SFMBT1: variants seen among roughly 807,000 people sequenced by gnomAD.
SFMBT1 encodes the protein scm-like with four MBT domains protein 1.
A neutral mutation model predicts 108.7 loss-of-function variants in SFMBT1; 32 were observed. That is an observed-to-expected ratio of 0.29 (90% CI 0.22 to 0.40). SFMBT1 has a LOEUF of 0.40. SFMBT1 is among the 10% of genes least tolerant of loss of function. The pLI, the probability that SFMBT1 is intolerant of heterozygous loss-of-function variation, is 1.00. For synonymous variants in SFMBT1, 348 were observed against 369.5 expected, an observed-to-expected ratio of 0.94 and a Z score of 0.67; for missense variants, 816 against 1,059.6, an observed-to-expected ratio of 0.77 and a Z score of 3.19.
chr3:53,020,157 G>A (rs1559552167), intron 1 of SFMBT1, among the ~76,000 whole-genome samples: 1 of 152,016 alleles, frequency 6.6e-6, no homozygotes, highest in Non-Finnish European at 1.5e-5. Flanking sequence ...GGGAGGCCGA[G>A]GCAGGCGGAT....
intron 1 of SFMBT1, among the ~76,000 whole-genome samples, chr3:53,041,960 G>C (rs1284051015): frequency 6.6e-6 from 1 of 152,074 alleles, no homozygotes; most frequent in Non-Finnish European, 1.5e-5. Flanking sequence ...TAAGGAAGTT[G>C]TATCATTTAC....
intron 1 of SFMBT1, among the ~76,000 whole-genome samples, chr3:52,974,646 A>G (rs1329628175): frequency 1.3e-5 from 2 of 152,082 alleles, no homozygotes; most frequent in Non-Finnish European, 2.9e-5. Context: ...TGATAAAGTC[A>G]AGGTTTTAGT....
intron 1 of SFMBT1, among the ~76,000 whole-genome samples, chr3:52,977,421 G>C (rs990815389): frequency 1.3e-5 from 2 of 152,116 alleles, no homozygotes; most frequent in African/African-American, 4.8e-5. Context: ...TGAGGCAGAA[G>C]AATCGCTTGA....
chr3:53,040,926 TC>T (rs1223792494), intron 1 of SFMBT1, among the ~76,000 whole-genome samples: 6 of 142,642 alleles, frequency 4.2e-5, no homozygotes, highest in Admixed American at 1.4e-4. Flanking sequence ...TGCCTCAGCC[TC>T]CCGAGTAGCT....
At position 53,021,062 on chromosome 3, in the gene SFMBT1, A is replaced by C. The variant is rs1699289722; in HGVS notation, c.-131+24754T>G. 3.3e-5 allele frequency among the ~76,000 whole-genome samples: 5 copies of C among 152,258 alleles called. No homozygotes were observed. In the South Asian group the frequency reaches 1.0e-3, roughly 31 times the overall value. On this transcript the variant is annotated intron_variant, in intron 1 of 20. Transcript: ENST00000394752. The stretch of plus-strand genomic sequence containing the variant: ...AACAAGAGTGAGACTCCGTCTCAAA[A>C]AAAGAAAAAAGAAAGTAGAGGTCCC...
At chr3:53,015,961 T>C (rs1352109035) in intron 1 of SFMBT1, among the ~76,000 whole-genome samples, 1 of 152,164 alleles carries the variant, frequency 6.6e-6, no homozygotes, top group Admixed American at 6.5e-5. Flanking sequence ...CTTACAATTG[T>C]TTGCTTCTCA....
intron 4 of SFMBT1, among the ~76,000 whole-genome samples, chr3:52,938,055 T>G (rs1703070444): frequency 6.6e-6 from 1 of 152,202 alleles, no homozygotes; most frequent in South Asian, 2.1e-4. Flanking sequence ...TTTATTGCTG[T>G]CTATAGCTGC....
intron 1 of SFMBT1, among the ~76,000 whole-genome samples, chr3:53,039,812 CTT>C (rs996371974): frequency 6.6e-6 from 1 of 151,370 alleles, no homozygotes; most frequent in Non-Finnish European, 1.5e-5. Context: ...TTTTGGTATA[CTT>C]TTTTTTTATT....
At position 52,913,406 on chromosome 3, in the gene SFMBT1, C is replaced by T. The variant is rs1312860204; in HGVS notation, c.1620+72G>A. ...GAACTGTCACATCTATGGCATGTGG[C>T]TCCCTGTAGAAATGACCATAGGAGA... On this transcript the variant is annotated intron_variant, in intron 15 of 20. Coordinates refer to ENST00000394752, the MANE Select transcript of SFMBT1 (RefSeq NM_016329.4). 3.3e-6 allele frequency: 5 copies of T among 1,534,524 alleles called. No individual in the cohort carries two copies. The African/African-American group carries it at 4.2e-5, about 13-fold the overall frequency.
chr3:53,024,568 G>A (rs889407282), intron 1 of SFMBT1, among the ~76,000 whole-genome samples: 1 of 152,218 alleles, frequency 6.6e-6, no homozygotes, highest in Non-Finnish European at 1.5e-5. Flanking sequence ...GTCGTTGTGT[G>A]TCAACAACAG....
intron 1 of SFMBT1, among the ~76,000 whole-genome samples, chr3:52,981,263 TAGG>T (rs1437496481): frequency 6.6e-6 from 1 of 152,088 alleles, no homozygotes; most frequent in African/African-American, 2.4e-5. Flanking sequence ...TTTAAAACTT[TAGG>T]AGGAGAAGCA....
intron 20 of SFMBT1, 63 bp downstream of exon 20, chr3:52,906,049 AC>A: frequency 6.5e-7 from 1 of 1,535,564 alleles, no homozygotes; most frequent in African/African-American, 1.4e-5. Flanking sequence ...TAAATTGTTG[AC>A]TATTACATCC....
intron 1 of SFMBT1, among the ~76,000 whole-genome samples, chr3:52,984,799 A>C (rs1474378564): frequency 6.8e-6 from 1 of 146,730 alleles, no homozygotes; most frequent in Non-Finnish European, 1.5e-5. Flanking sequence ...TCATACTATA[A>C]TGAGTTTGGA....
At chr3:52,937,913 G>A (rs1436146513) in intron 4 of SFMBT1, among the ~76,000 whole-genome samples, 2 of 151,370 alleles carry the variant, frequency 1.3e-5, no homozygotes, top group Non-Finnish European at 3.0e-5. Context: ...AAAAAAATAA[G>A]TTCACACACA....
intron 3 of SFMBT1, 57 bp from the exon 4 acceptor site, chr3:52,943,650 G>A: frequency 6.2e-7 from 1 of 1,608,508 alleles, no homozygotes. Context: ...GTATTTCTTT[G>A]ACCAATGTTC....
chr3:53,044,813 G>A (rs1246118842), intron 1 of SFMBT1: 8 of 152,634 alleles, frequency 5.2e-5, no homozygotes, highest in African/African-American at 1.9e-4. Context: ...GCGACCCGCT[G>A]GGAACACCCC....
chr3:52,945,141 A>AAAAAAAAAC (rs1337790152), intron 3 of SFMBT1, among the ~76,000 whole-genome samples: 3 of 146,888 alleles, frequency 2.0e-5, no homozygotes, highest in Non-Finnish European at 4.5e-5. Flanking sequence ...CCAATTAAAA[A>AAAAAAAAAC]AAAAAAAAAA....
intron 1 of SFMBT1, among the ~76,000 whole-genome samples, chr3:53,041,374 T>C (rs1700046421): frequency 6.6e-6 from 1 of 152,120 alleles, no homozygotes; most frequent in Non-Finnish European, 1.5e-5. Flanking sequence ...AACATGAATC[T>C]GCAACAACCT....
intron 1 of SFMBT1, among the ~76,000 whole-genome samples, chr3:53,019,601 C>T (rs1699236807): frequency 6.6e-6 from 1 of 152,146 alleles, no homozygotes; most frequent in African/African-American, 2.4e-5. Flanking sequence ...GCTTCCTCAT[C>T]CTCACCCTGT....
Sources: gnomAD v4.1 joint callset for allele counts (sites outside exome capture counted in the v4.1 genomes callset) on GRCh38, gnomAD v4.1.1 for gene constraint, MANE v1.5 for transcripts, NCBI Gene and HGNC (gene_info 2026-07-23, HGNC 2026-07-21) for gene names.